Variants in FAM210A observed in about 807,000 individuals in gnomAD.
FAM210A encodes the protein mitochondrial inner membrane scaffold 1.
FAM210A carries 13 observed loss-of-function variants against 25.3 expected under a neutral mutation model. The observed-to-expected ratio is 0.51, with a 90% CI of 0.33 to 0.82. The LOEUF is 0.82. FAM210A is among the 40% of genes least tolerant of loss of function. FAM210A has a pLI of 0.02. For missense variants in FAM210A, 319 were observed against 323.2 expected, an observed-to-expected ratio of 0.99 and a Z score of 0.10; for synonymous variants, 125 against 118.7, an observed-to-expected ratio of 1.05 and a Z score of -0.35.
intron 1 of FAM210A, among the ~76,000 whole-genome samples, chr18:13,722,570 C>T (rs2043905811): frequency 6.6e-6 from 1 of 152,226 alleles, no homozygotes; most frequent in African/African-American, 2.4e-5. Context: ...CCAGCTTCAT[C>T]AGGATGTTCC....
chr18:13,720,447 C>A (rs1315656095), intron 1 of FAM210A, among the ~76,000 whole-genome samples: 2 of 152,156 alleles, frequency 1.3e-5, no homozygotes, highest in African/African-American at 2.4e-5. Context: ...TCCAAAGAGG[C>A]CCACTAAACC....
chr18:13,685,821 T>C (rs1270179254), intron 1 of FAM210A, among the ~76,000 whole-genome samples: 4 of 152,182 alleles, frequency 2.6e-5, no homozygotes, highest in African/African-American at 9.7e-5. Context: ...TCCTTAAACA[T>C]TTCACAGAGT....
At chr18:13,685,918 T>G (rs886452816) in intron 1 of FAM210A, among the ~76,000 whole-genome samples, 3 of 152,022 alleles carry the variant, frequency 2.0e-5, no homozygotes, top group African/African-American at 7.3e-5. Context: ...GTTACCTCCT[T>G]AAGAAACTAG....
chr18:13,668,941 G>A (rs1476259176), intron 3 of FAM210A, among the ~76,000 whole-genome samples: 2 of 152,100 alleles, frequency 1.3e-5, no homozygotes, highest in African/African-American at 2.4e-5. Context: ...ACTGACCTTC[G>A]GATCTTCGAC....
chr18:13,692,394 C>T (rs558302211), intron 1 of FAM210A, among the ~76,000 whole-genome samples: 3 of 152,158 alleles, frequency 2.0e-5, no homozygotes, highest in South Asian at 2.1e-4. Context: ...TCTGCACCCA[C>T]CCAATGGACC....
At chr18:13,706,647 A>G (rs2043780217) in intron 1 of FAM210A, among the ~76,000 whole-genome samples, 1 of 152,242 alleles carries the variant, frequency 6.6e-6, no homozygotes, top group Non-Finnish European at 1.5e-5. Flanking sequence ...AAAAGAGGGA[A>G]TGATTTAAAA....
At chr18:13,688,878 T>A (rs2043619505) in intron 1 of FAM210A, among the ~76,000 whole-genome samples, 1 of 152,234 alleles carries the variant, frequency 6.6e-6, no homozygotes, top group Non-Finnish European at 1.5e-5. Flanking sequence ...CTTGCCTGCG[T>A]GCTTTCTCCT....
chr18:13,692,099 G>C (rs2043650356), intron 1 of FAM210A, among the ~76,000 whole-genome samples: 1 of 150,866 alleles, frequency 6.6e-6, no homozygotes, highest in Non-Finnish European at 1.5e-5. Context: ...GGCAGGGGTT[G>C]CAATCCTAGT....
chr18:13,725,830 G>A (rs761547913), intron 1 of FAM210A, among the ~76,000 whole-genome samples: 8 of 152,160 alleles, frequency 5.3e-5, no homozygotes, highest in Admixed American at 3.3e-4. Flanking sequence ...GCAGACTAAT[G>A]CATCCTTAGG....
At chr18:13,725,451 C>T (rs777894575) in intron 1 of FAM210A, among the ~76,000 whole-genome samples, 3 of 152,216 alleles carry the variant, frequency 2.0e-5, no homozygotes, top group Non-Finnish European at 4.4e-5. Context: ...CAAATGCTGC[C>T]TTCCCCAAAG....
At chr18:13,720,199 T>C (rs1006475574) in intron 1 of FAM210A, among the ~76,000 whole-genome samples, 2 of 152,126 alleles carry the variant, frequency 1.3e-5, no homozygotes, top group Non-Finnish European at 2.9e-5. Flanking sequence ...CTACACTGTA[T>C]CTCCTATAGG....
chr18:13,681,483 A>G, intron 2 of FAM210A, 122 bp downstream of exon 2: 2 of 793,220 alleles, frequency 2.5e-6, no homozygotes, highest in Admixed American at 3.3e-5. Flanking sequence ...GTGAAAAAAC[A>G]GTTATCCTCT....
At chr18:13,673,407 C>T (rs2043460550) in intron 2 of FAM210A, among the ~76,000 whole-genome samples, 1 of 150,052 alleles carries the variant, frequency 6.7e-6, no homozygotes, top group Admixed American at 6.7e-5. Context: ...TGATTATTAA[C>T]ATTCCTGAGC....
chr18:13,711,836 A>G (rs979151253), intron 1 of FAM210A, among the ~76,000 whole-genome samples: 9 of 152,106 alleles, frequency 5.9e-5, no homozygotes, highest in African/African-American at 2.2e-4. Flanking sequence ...AAGATCCTAC[A>G]TGGTACTCAA....
At chr18:13,689,345 A>G (rs1449606620) in intron 1 of FAM210A, among the ~76,000 whole-genome samples, 1 of 152,174 alleles carries the variant, frequency 6.6e-6, no homozygotes. Context: ...TGGTTATCAC[A>G]ATCAATGTAA....
intron 1 of FAM210A, among the ~76,000 whole-genome samples, chr18:13,693,410 C>T (rs1308793197): frequency 6.6e-6 from 1 of 152,186 alleles, no homozygotes; most frequent in African/African-American, 2.4e-5. Flanking sequence ...CAACATCATC[C>T]TGATACCAAA....
At chr18:13,676,581 A>T (rs966362003) in intron 2 of FAM210A, among the ~76,000 whole-genome samples, 9 of 152,252 alleles carry the variant, frequency 5.9e-5, no homozygotes, top group African/African-American at 1.7e-4. Flanking sequence ...CTAAATCAGA[A>T]CGAAGACATT....
At position 13,682,066 on chromosome 18, in the gene FAM210A, A is replaced by C; in HGVS notation, c.12T>G (p.Asn4Lys). The change falls in exon 2 of 4, where the codon AAT (asparagine) becomes AAG (lysine). Residue 4 changes from asparagine (N) to lysine (K), a missense_variant. Asn to Lys is a moderately conservative substitution (Grantham distance 94, BLOSUM62 0). Coordinates refer to ENST00000651643, the MANE Select transcript of FAM210A (RefSeq NM_152352.4). Reference protein sequence around the residue: MQWNVPRTVSRLAR... With the variant: MQWKVPRTVSRLAR... ...CCAGTCGAGATACAGTCCGTGGTAC[A>C]TTCCATTGCATTTTGAAGAGTGTTG... 1 of 1,578,784 alleles carries C rather than the reference A, an allele frequency of 6.3e-7. No individual in the cohort carries two copies. Among genetic ancestry groups the C allele is most frequent in the Non-Finnish European group, 8.6e-7 (1 of 1,163,128 alleles).
intron 1 of FAM210A, among the ~76,000 whole-genome samples, chr18:13,687,012 A>G (rs2043603553): frequency 6.6e-6 from 1 of 152,252 alleles, no homozygotes; most frequent in Admixed American, 6.5e-5. Flanking sequence ...AAAATCCTCA[A>G]CAAAATATTA....
Sources: allele counts gnomAD v4.1 joint callset (sites outside exome capture counted in the v4.1 genomes callset), GRCh38; gene constraint gnomAD v4.1.1; transcripts MANE v1.5; gene names NCBI Gene and HGNC (gene_info 2026-07-23, HGNC 2026-07-21).